PYM1: variants seen among roughly 807,000 people sequenced by gnomAD.
PYM1 encodes partner of Y14 and mago.
PYM1 carries 7 observed loss-of-function variants against 20.7 expected under a neutral mutation model. The ratio of observed to expected loss-of-function variants is 0.34; its 90% CI spans 0.19 to 0.64. The LOEUF (loss-of-function observed/expected upper bound fraction) is 0.64, where lower values mean the gene tolerates loss of function less well. Among genes scored for constraint, PYM1 ranks in the 30% least tolerant of loss-of-function variants. PYM1 has a pLI of 0.74. For synonymous variants in PYM1, 100 were observed against 99.2 expected (o/e 1.01, Z -0.05); for missense variants, 194 against 250.0 (o/e 0.78, Z 1.51).
chr12:55,922,867 TAA>T (rs1195475979), intron 1 of PYM1, among the ~76,000 whole-genome samples: 1 of 151,952 alleles, frequency 6.6e-6, no homozygotes, highest in Non-Finnish European at 1.5e-5. Context: ...AAGAGGAGCT[TAA>T]AGAGACATGA....
chr12:55,918,148 A>C (rs1212932163), intron 1 of PYM1, among the ~76,000 whole-genome samples: 1 of 149,660 alleles, frequency 6.7e-6, no homozygotes, highest in Non-Finnish European at 1.5e-5. Flanking sequence ...CCCAGGCTAG[A>C]GTGCAGTGGC....
intron 1 of PYM1, among the ~76,000 whole-genome samples, chr12:55,905,455 A>G (rs1176066982): frequency 6.6e-6 from 1 of 151,326 alleles, no homozygotes; most frequent in Non-Finnish European, 1.5e-5. Context: ...TAATCCCAAC[A>G]CTTTGAGAGG....
At chr12:55,923,402 CAAA>C (rs1238588066) in intron 1 of PYM1, among the ~76,000 whole-genome samples, 2 of 151,484 alleles carry the variant, frequency 1.3e-5, no homozygotes, top group African/African-American at 4.9e-5. Context: ...CGCATTTCTA[CAAA>C]AAATACAAAA....
intron 1 of PYM1, among the ~76,000 whole-genome samples, chr12:55,913,241 T>C (rs931716035): frequency 6.6e-6 from 1 of 152,198 alleles, no homozygotes; most frequent in Non-Finnish European, 1.5e-5. Context: ...TTAACATAAT[T>C]ATTTGCTTGT....
intron 1 of PYM1, among the ~76,000 whole-genome samples, chr12:55,909,514 A>C (rs760093374): frequency 5.3e-5 from 8 of 152,178 alleles, no homozygotes; most frequent in Admixed American, 2.0e-4. Flanking sequence ...GCTTTGAATA[A>C]ATGAATGAAT....
Position 55,918,729 on chromosome 12 carries a change from G to A in PYM1, c.37+8996C>T, listed in dbSNP as rs370634884. Among the ~76,000 whole-genome samples, 60 of 152,226 alleles carry A rather than the reference G, an allele frequency of 3.9e-4. 2 individuals carry two copies. In the East Asian group the frequency reaches 4.5e-3, roughly 11 times the overall value. On this transcript the variant is annotated intron_variant, in intron 1 of 2. Transcript: ENST00000408946. The stretch of plus-strand genomic sequence containing the variant: ...CTAAAAATACAAAAATTAGCTGGGC[G>A]TGGTGGCACGTGCCTGTAGTCCCAG...
intron 1 of PYM1, among the ~76,000 whole-genome samples, chr12:55,919,961 C>T (rs930426093): frequency 6.6e-5 from 10 of 151,662 alleles, no homozygotes; most frequent in African/African-American, 1.9e-4. Context: ...AATCCCACCA[C>T]TTTGGAAGGC....
intron 1 of PYM1, among the ~76,000 whole-genome samples, chr12:55,905,269 A>G (rs1055452153): frequency 4.6e-5 from 7 of 151,060 alleles, no homozygotes; most frequent in African/African-American, 1.7e-4. Context: ...TCAGCCTCCC[A>G]AAGTGCTGGG....
intron 1 of PYM1, among the ~76,000 whole-genome samples, chr12:55,911,153 G>A (rs1882915903): frequency 6.6e-6 from 1 of 152,104 alleles, no homozygotes; most frequent in African/African-American, 2.4e-5. Flanking sequence ...TTGTAGCCCA[G>A]GCTGGAGTGC....
intron 1 of PYM1, among the ~76,000 whole-genome samples, chr12:55,906,732 T>C (rs1882823678): frequency 6.6e-6 from 1 of 152,058 alleles, no homozygotes; most frequent in Admixed American, 6.6e-5. Context: ...CACTGCAACC[T>C]CCTCCTCCCA....
intron 2 of PYM1, 107 bp from the exon 3 acceptor site, chr12:55,902,462 T>A: frequency 6.9e-7 from 1 of 1,445,684 alleles, no homozygotes; most frequent in East Asian, 2.3e-5. Flanking sequence ...GCTTCCTTTT[T>A]TTGTTGTTGT....
intron 1 of PYM1, among the ~76,000 whole-genome samples, chr12:55,914,642 G>A (rs1165465298): frequency 6.6e-6 from 1 of 152,182 alleles, no homozygotes; most frequent in Non-Finnish European, 1.5e-5. Context: ...AGGGGACATG[G>A]TTGTTAAAGG....
chr12:55,908,828 G>T (rs1882871169), intron 1 of PYM1, among the ~76,000 whole-genome samples: 1 of 151,900 alleles, frequency 6.6e-6, no homozygotes, highest in Non-Finnish European at 1.5e-5. Context: ...CTCCAGCCTG[G>T]GTGACAGAGC....
intron 2 of PYM1, 74 bp from the exon 3 acceptor site, chr12:55,902,429 C>T (rs1882710583): frequency 6.6e-7 from 1 of 1,514,584 alleles, no homozygotes; most frequent in Non-Finnish European, 8.8e-7. Flanking sequence ...AACTTCCAAA[C>T]ACTTCATCCT....
chr12:55,918,311 A>G (rs1883043245), intron 1 of PYM1, among the ~76,000 whole-genome samples: 1 of 152,064 alleles, frequency 6.6e-6, no homozygotes, highest in Non-Finnish European at 1.5e-5. Context: ...CGTGTTAACC[A>G]GGATGGTCTC....
intron 1 of PYM1, among the ~76,000 whole-genome samples, chr12:55,907,463 C>CAAAAAAAAAAAAA (rs770960966): frequency 1.9e-5 from 1 of 51,982 alleles, no homozygotes; most frequent in African/African-American, 6.3e-5. Context: ...TACATAAATA[C>CAAAAAAAAAAAAA]AAAAAAAAAA....
chr12:55,926,962 G>A (rs705716), intron 1 of PYM1: 2 of 1,134,076 alleles, frequency 1.8e-6, no homozygotes, highest in African/African-American at 3.2e-5. Context: ...AAGGCGGTCC[G>A]GGGGGCGGGG....
intron 1 of PYM1, among the ~76,000 whole-genome samples, chr12:55,908,899 T>TG (rs1283346258): frequency 6.6e-6 from 1 of 151,352 alleles, no homozygotes; most frequent in Non-Finnish European, 1.5e-5. Flanking sequence ...AGGCAATGGG[T>TG]GATTCGACAG....
intron 1 of PYM1, among the ~76,000 whole-genome samples, chr12:55,909,766 A>C (rs1268525880): frequency 6.6e-6 from 1 of 152,242 alleles, no homozygotes; most frequent in African/African-American, 2.4e-5. Flanking sequence ...TAAGAGGATA[A>C]GAAATCAAAG....
Sources: gnomAD v4.1 joint callset for allele counts (sites outside exome capture counted in the v4.1 genomes callset) on GRCh38, gnomAD v4.1.1 for gene constraint, MANE v1.5 for transcripts, NCBI Gene and HGNC (gene_info 2026-07-23, HGNC 2026-07-21) for gene names.